PSMD9: variants seen among roughly 807,000 people sequenced by gnomAD.
PSMD9 encodes proteasome 26S subunit, non-ATPase 9.
PSMD9 carries 26 observed loss-of-function variants against 25.9 expected under a neutral mutation model. The observed-to-expected ratio is 1.00, with a 90% CI of 0.73 to 1.39. The LOEUF is 1.39. PSMD9 is among the 40% of genes most tolerant of loss of function. The pLI, the probability that PSMD9 is intolerant of heterozygous loss-of-function variation, is 0.00. For synonymous variants in PSMD9, 110 were observed against 114.5 expected (o/e 0.96, Z 0.25); for missense variants, 303 against 299.3 (o/e 1.01, Z -0.09).
chr12:121,909,525 T>C (rs1431874949), intron 4 of PSMD9, among the ~76,000 whole-genome samples: 1 of 151,916 alleles, frequency 6.6e-6, no homozygotes, highest in Non-Finnish European at 1.5e-5. Flanking sequence ...CTTGCTATGT[T>C]GCCTAGGCCG....
intron 4 of PSMD9, among the ~76,000 whole-genome samples, chr12:121,907,588 T>G (rs1879598431): frequency 6.6e-6 from 1 of 152,190 alleles, no homozygotes; most frequent in Non-Finnish European, 1.5e-5. Context: ...TGCTGATGGA[T>G]AATGGATTTC....
In PSMD9 at chr12:121,917,343, C is replaced by G. The variant is rs965860734; in HGVS notation, c.*1032C>G. On this transcript the variant is annotated 3_prime_UTR_variant, in exon 6 of 6. Transcript: ENST00000541212. The stretch of plus-strand genomic sequence containing the variant: ...TCCTGGCTATGCCCTGAGATCAGCG[C>G]TATTTTGTAAACCGCTGAGGTATGG... 1 of 152,260 alleles carries G rather than the reference C, an allele frequency of 6.6e-6. No individual in the cohort carries two copies. The highest frequency in any genetic ancestry group is 2.4e-5 in the African/African-American group (1 of 41,466). 9.4% of individuals were successfully genotyped at this position (152,260 alleles called of 1,614,324 possible). A position where few individuals can be genotyped will look rare whatever the true frequency, so the allele number is the denominator to read the frequency against.
chr12:121,899,524 C>A, intron 2 of PSMD9, 110 bp from the exon 3 acceptor site: 1 of 1,034,490 alleles, frequency 9.7e-7, no homozygotes, highest in Non-Finnish European at 1.4e-6. Flanking sequence ...TCACCTCTAG[C>A]TCCACATCTG....
chr12:121,906,965 CAA>C (rs111345955), intron 4 of PSMD9, among the ~76,000 whole-genome samples: 79 of 133,152 alleles, frequency 5.9e-4, no homozygotes, highest in African/African-American at 7.2e-4. Flanking sequence ...GGCTCTGTGT[CAA>C]AAAAAAAAAA....
chr12:121,905,465 C>T (rs1428353382), intron 4 of PSMD9, among the ~76,000 whole-genome samples: 1 of 151,030 alleles, frequency 6.6e-6, no homozygotes, highest in Non-Finnish European at 1.5e-5. Context: ...ACCTCGTGAT[C>T]CACCTGCCTT....
intron 4 of PSMD9, among the ~76,000 whole-genome samples, chr12:121,906,102 A>C (rs1879546760): frequency 6.6e-6 from 1 of 152,190 alleles, no homozygotes; most frequent in Non-Finnish European, 1.5e-5. Context: ...TATCCAGTTA[A>C]ATGTATTCTC....
chr12:121,889,379 A>G (rs764767278), intron 1 of PSMD9, among the ~76,000 whole-genome samples: 5 of 152,126 alleles, frequency 3.3e-5, no homozygotes, highest in Non-Finnish European at 5.9e-5. Context: ...TGACTGCCTT[A>G]TCTTAATTTT....
Position 121,916,482 on chromosome 12 carries a change from A to C in PSMD9, c.*171A>C, listed in dbSNP as rs542956253. ...CCCACCAGTGTAATCTCCCTGGATT[A>C]AGGCATTCTTAAAAACTTAGGCTTG... is the stretch of plus-strand genomic sequence containing the variant. On this transcript the variant is annotated 3_prime_UTR_variant, in exon 6 of 6. Transcript: ENST00000541212. 1.1e-4 allele frequency: 87 copies of C among 776,676 alleles called. No individual in the cohort carries two copies. In the Middle Eastern group the frequency reaches 1.9e-3, roughly 17 times the overall value. The allele number at this position is 776,676 out of a possible 1,614,324, so 48.1% of individuals were successfully genotyped here.
rs1402339490 is a variant in PSMD9, at chr12:121,894,816, C to T, written c.216C>T (p.Val72=). 1 of 1,613,904 alleles carries T rather than the reference C, an allele frequency of 6.2e-7. No individual in the cohort carries two copies. Among genetic ancestry groups the T allele is most frequent in the African/African-American group, 1.3e-5 (1 of 75,046 alleles). ...GGTCAGACGTGGACCTGTACCAAGT[C>T]CGCACCGCCAGGCACAACATCATAT... The part of the protein sequence containing the change: ...YPRSDVDLYQ[V]RTARHNIICL... The change falls in exon 2 of 6, where the codon GTC becomes GTT. Residue 72 remains valine (V), a synonymous_variant. Coordinates refer to ENST00000541212, the MANE Select transcript of PSMD9 (RefSeq NM_002813.7).
intron 1 of PSMD9, 42 bp from the exon 2 acceptor site, chr12:121,894,697 T>G: frequency 6.5e-7 from 1 of 1,550,092 alleles, no homozygotes. Flanking sequence ...CCTGGGGACA[T>G]TACACCCATG....
chr12:121,889,406 CAG>C (rs1011878371), intron 1 of PSMD9, among the ~76,000 whole-genome samples: 18 of 152,176 alleles, frequency 1.2e-4, no homozygotes, highest in African/African-American at 4.3e-4. Flanking sequence ...TTTGTAAAGA[CAG>C]AGTCTCACTG....
intron 3 of PSMD9, among the ~76,000 whole-genome samples, chr12:121,900,985 TAAAAAAAAAAAAAAA>T (rs749082407): frequency 1.1e-5 from 1 of 89,482 alleles, no homozygotes; most frequent in Non-Finnish European, 2.2e-5. Context: ...AGACTCTGTC[TAAAAAAAAAAAAAAA>T]AAAAAAAGGA....
At chr12:121,901,316 C>T (rs924346981) in intron 3 of PSMD9, among the ~76,000 whole-genome samples, 1 of 152,054 alleles carries the variant, frequency 6.6e-6, no homozygotes, top group Non-Finnish European at 1.5e-5. Flanking sequence ...TTTCACTTAG[C>T]AAATTTTCAA....
At chr12:121,900,032 G>A (rs2135723388) in intron 3 of PSMD9, 187 bp downstream of exon 3, 2 of 689,506 alleles carry the variant, frequency 2.9e-6, no homozygotes, top group South Asian at 3.7e-5. Context: ...GTTTTAGAGA[G>A]GGGTCAGCCC....
intron 4 of PSMD9, among the ~76,000 whole-genome samples, chr12:121,907,093 A>G (rs1339943963): frequency 6.6e-6 from 1 of 151,626 alleles, no homozygotes; most frequent in Non-Finnish European, 1.5e-5. Context: ...TTTTGAGACG[A>G]AGTTTTTCTC....
At chr12:121,902,913 G>A in intron 3 of PSMD9, 93 bp from the exon 4 acceptor site, 1 of 1,009,308 alleles carries the variant, frequency 9.9e-7, no homozygotes, top group Non-Finnish European at 1.6e-6. Flanking sequence ...ACAAGCTCGT[G>A]ACCTTGGCAT....
chr12:121,901,122 G>C (rs535779681), intron 3 of PSMD9, among the ~76,000 whole-genome samples: 98 of 152,000 alleles, frequency 6.4e-4, no homozygotes, highest in Admixed American at 1.5e-3. Context: ...ACCATGCCCA[G>C]CCATAATCAA....
intron 3 of PSMD9, among the ~76,000 whole-genome samples, chr12:121,900,588 C>CAA (rs36069883): frequency 1.0e-4 from 13 of 123,986 alleles, no homozygotes; most frequent in African/African-American, 3.4e-4. Flanking sequence ...GACTCCGTCT[C>CAA]AAAAAAAAAA....
rs1442442441 is a variant in PSMD9, at chr12:121,888,985, G to A, written c.129G>A (p.Val43=). Residue 43 remains valine (V), a synonymous_variant, in exon 1 of 6, where the codon GTG becomes GTA. Coordinates refer to ENST00000541212, the MANE Select transcript of PSMD9 (RefSeq NM_002813.7). The stretch of plus-strand genomic sequence containing the variant: ...CGCAGATCAAGGCCAACTATGACGT[G>A]CTGGAAAGCGTGAGTGTGGGTTCGG... ...IEAQIKANYD[V]LESQKGIGMN... The A allele has an allele frequency of 6.3e-7, 1 of 1,585,660 alleles. No homozygotes were observed. Among genetic ancestry groups the A allele is most frequent in the Non-Finnish European group, 8.6e-7 (1 of 1,166,306 alleles).
Sources: gnomAD v4.1 joint callset for allele counts (sites outside exome capture counted in the v4.1 genomes callset) on GRCh38, gnomAD v4.1.1 for gene constraint, MANE v1.5 for transcripts, NCBI Gene and HGNC (gene_info 2026-07-23, HGNC 2026-07-21) for gene names.